Variants in TICRR observed in about 807,000 individuals in gnomAD.
The protein encoded by TICRR is TOPBP1 interacting checkpoint and replication regulator.
TICRR carries 132 observed loss-of-function variants against 178.1 expected under a neutral mutation model. That is an observed-to-expected ratio of 0.74 (90% CI 0.64 to 0.86). TICRR has a LOEUF of 0.86. TICRR is among the 40% of genes least tolerant of loss of function. The probability of loss-of-function intolerance (pLI) is 0.00; values close to 1 mark genes in which losing one functional copy is unlikely to be tolerated. For missense variants in TICRR, 2,587 were observed against 2,334.3 expected, an observed-to-expected ratio of 1.11 and a Z score of -2.23; for synonymous variants, 991 against 900.7, an observed-to-expected ratio of 1.10 and a Z score of -1.79.
chr15:89,575,980 A>G lies in TICRR; in HGVS notation c.394A>G (p.Arg132Gly). ...TKPILRSSGR[R>G]LLDVESEAKE... ...GCCGATCCTGCGGAGCAGCGGGAGGAGACTGCTGGACGTGGAGAGCGAGGC... is the reference window on the plus strand; with the variant it reads ...GCCGATCCTGCGGAGCAGCGGGAGGGGACTGCTGGACGTGGAGAGCGAGGC... The change falls in exon 1 of 22, where the codon AGA (arginine) becomes GGA (glycine). Residue 132 changes from arginine to glycine, a missense_variant. Arg to Gly is a moderately radical substitution (Grantham distance 125). Coordinates refer to ENST00000268138, the MANE Select transcript of TICRR (RefSeq NM_152259.4). 1 of 1,604,940 alleles carries G rather than the reference A, an allele frequency of 6.2e-7. No individual in the cohort carries two copies. Among genetic ancestry groups the G allele is most frequent in the Non-Finnish European group, 8.5e-7 (1 of 1,177,210 alleles).
rs1044341524 is a variant in TICRR at position 89,575,501 on chromosome 15, T to G, written c.-86T>G. The G allele has an allele frequency of 1.3e-5, 17 of 1,278,598 alleles. No individual in the cohort carries two copies. The highest frequency in any genetic ancestry group is 2.5e-4 in the Middle Eastern group (1 of 4,034). 79.2% of individuals were successfully genotyped at this position (1,278,598 alleles called of 1,614,324 possible). ...CGACCAGGGTCCCAAAGGAAAGCAG[T>G]GAGTGGTGCTGTTTCCCTGAAGGAA... is the stretch of plus-strand genomic sequence containing the variant. On this transcript the variant is annotated 5_prime_UTR_variant, in exon 1 of 22. Coordinates refer to ENST00000268138, the MANE Select transcript of TICRR (RefSeq NM_152259.4).
In TICRR at chr15:89,626,036, T is replaced by C; in HGVS notation, c.5577T>C (p.Pro1859=). Residue 1859 remains proline, a synonymous_variant, in exon 21 of 22, where the codon CCT becomes CCC. Coordinates refer to ENST00000268138, the MANE Select transcript of TICRR (RefSeq NM_152259.4). ...CGCTGCTGTTCCAGGGGAAAACACCTTCCTCTCAGAGCAAAGACCCCAGAG... is the reference window on the plus strand; with the variant it reads ...CGCTGCTGTTCCAGGGGAAAACACCCTCCTCTCAGAGCAAAGACCCCAGAG... ...QSPLLFQGKT[P]SSQSKDPRDE... is the part of the protein sequence containing the mutation. 6.2e-7 allele frequency: 1 copy of C among 1,613,942 alleles called. No individual in the cohort carries two copies. Among genetic ancestry groups the C allele is most frequent in the Non-Finnish European group, 8.5e-7 (1 of 1,179,894 alleles).
chr15:89,602,055 C>A, intron 12 of TICRR, 79 bp downstream of exon 12: 1 of 1,526,206 alleles, frequency 6.6e-7, no homozygotes. Flanking sequence ...ACAGTCCAGT[C>A]ATCTTTGTCC....
At chr15:89,622,212 C>T (rs1198514218) in intron 19 of TICRR, among the ~76,000 whole-genome samples, 1 of 152,112 alleles carries the variant, frequency 6.6e-6, no homozygotes, top group Admixed American at 6.5e-5. Flanking sequence ...TCTCGAACTC[C>T]TGACCTCAAG....
At chr15:89,597,593 A>T (rs1479124199) in intron 7 of TICRR, among the ~76,000 whole-genome samples, 2 of 151,640 alleles carry the variant, frequency 1.3e-5, no homozygotes, top group Non-Finnish European at 2.9e-5. Flanking sequence ...TGTTACATTG[A>T]TCTCTCTATT....
rs1324015809 is a variant in TICRR at position 89,625,454 on chromosome 15, T to C, written c.5144T>C (p.Leu1715Pro). The change falls in exon 20 of 22, where the codon CTG becomes CCG. Residue 1715 changes from leucine to proline, a missense_variant. Coordinates refer to ENST00000268138, the MANE Select transcript of TICRR (RefSeq NM_152259.4). Reference sequence around the variant, plus strand: ...GCAGACCTTCCTGGGAGCCTGTCACTGCTTGAGTCAGAGGGCAAGGACCAC... The same window carrying C: ...GCAGACCTTCCTGGGAGCCTGTCACCGCTTGAGTCAGAGGGCAAGGACCAC... ...VGADLPGSLS[L>P]LESEGKDHGL... 2 of 1,613,900 alleles carry C rather than the reference T, an allele frequency of 1.2e-6. No individual in the cohort carries two copies. Among genetic ancestry groups the C allele is most frequent in the Non-Finnish European group, 1.7e-6 (2 of 1,180,018 alleles).
In TICRR at chr15:89,600,650, A is replaced by G. The variant is rs200534054; in HGVS notation, c.2118A>G (p.Leu706=). The change falls in exon 9 of 22, where the codon CTA becomes CTG. Residue 706 remains leucine (L), a synonymous_variant. Transcript: ENST00000268138. ...LKTSKSLRQN[L]GKKLDKEDKV... ...CTAGTAAAAGTCTTCGACAGAATCTAGGAAAAAAACTGGATAAGGAAGACA... is the reference window on the plus strand; with the variant it reads ...CTAGTAAAAGTCTTCGACAGAATCTGGGAAAAAAACTGGATAAGGAAGACA... 141 of 1,595,800 alleles carry G rather than the reference A, an allele frequency of 8.8e-5. No individual in the cohort carries two copies. The highest frequency in any genetic ancestry group is 1.1e-4 in the Non-Finnish European group (134 of 1,170,152).
In TICRR at chr15:89,624,412, G is replaced by A; in HGVS notation, c.4102G>A (p.Ala1368Thr). Residue 1368 changes from alanine (A) to threonine (T), a missense_variant, in exon 20 of 22, where the codon GCT (alanine) becomes ACT (threonine). Coordinates refer to ENST00000268138, the MANE Select transcript of TICRR (RefSeq NM_152259.4). The stretch of plus-strand genomic sequence containing the variant: ...AACTCCCCCTGAACTCTCACAGAGA[G>A]CTACATTGGACACCGTCCCTCCTCC... ...PSTPPELSQR[A>T]TLDTVPPPPP... 1 of 1,614,194 alleles carries A rather than the reference G, an allele frequency of 6.2e-7. No homozygotes were observed. The highest frequency in any genetic ancestry group is 1.6e-4 in the Middle Eastern group (1 of 6,062).
At chr15:89,618,127 A>ATAT in intron 16 of TICRR, 25 bp from the exon 17 acceptor site, 1 of 1,609,998 alleles carries the variant, frequency 6.2e-7, no homozygotes, top group Non-Finnish European at 8.5e-7. Flanking sequence ...GTATGGAGTA[A>ATAT]TCCTTGTGCA....
At chr15:89,615,498 A>G (rs908777403) in intron 15 of TICRR, among the ~76,000 whole-genome samples, 1 of 152,136 alleles carries the variant, frequency 6.6e-6, no homozygotes, top group African/African-American at 2.4e-5. Flanking sequence ...TTGAACAAAT[A>G]CTCCCTAGAT....
chr15:89,606,923 C>T lies in TICRR; in HGVS notation c.2722+98C>T, dbSNP rs1310027067. The T allele has an allele frequency of 1.5e-5, 15 of 979,208 alleles. No individual in the cohort carries two copies. The Admixed American group carries it at 1.6e-4, about 10-fold the overall frequency. 60.7% of individuals were successfully genotyped at this position (979,208 alleles called of 1,614,324 possible). A position where few individuals can be genotyped will look rare whatever the true frequency, so the allele number is the denominator to read the frequency against. On this transcript the variant is annotated intron_variant, in intron 14 of 21. Coordinates refer to ENST00000268138, the MANE Select transcript of TICRR (RefSeq NM_152259.4). ...AGCTGCTTACAGGTGTAAATTAAGG[C>T]TTTGTATGATTGTTGGCTAATAAAA...
Position 89,592,107 on chromosome 15 carries a change from C to T in TICRR, c.1472C>T (p.Ala491Val), listed in dbSNP as rs777637566. Residue 491 changes from alanine (A) to valine (V), a missense_variant, in exon 5 of 22, where the codon GCT (alanine) becomes GTT (valine). Physicochemically the swap from Ala to Val is moderately conservative, Grantham distance 64 (BLOSUM62 0). Transcript: ENST00000268138. Reference protein sequence around the residue: ...ELGHTTPWSPAVVEKWFPFCN... With the variant: ...ELGHTTPWSPVVVEKWFPFCN... ...GGCCACACCACTCCCTGGAGTCCAG[C>T]TGTTGTGGAAAAGTGGTTTCCTTTC... 25 of 1,612,456 alleles carry T rather than the reference C, an allele frequency of 1.6e-5. No homozygotes were observed. The highest frequency in any genetic ancestry group is 2.1e-5 in the Non-Finnish European group (25 of 1,178,690).
At chr15:89,577,912 G>A (rs1351837878) in intron 1 of TICRR, among the ~76,000 whole-genome samples, 1 of 151,998 alleles carries the variant, frequency 6.6e-6, no homozygotes, top group Non-Finnish European at 1.5e-5. Context: ...TGCCTGGCAG[G>A]GAAGGCCTTT....
intron 4 of TICRR, among the ~76,000 whole-genome samples, chr15:89,588,583 TA>T (rs1187138199): frequency 6.6e-6 from 1 of 151,872 alleles, no homozygotes; most frequent in East Asian, 1.9e-4. Context: ...AGGAGAGAGC[TA>T]AAAAATAGGT....
Position 89,575,861 on chromosome 15 carries a change from G to GC in TICRR, c.278dup (p.Ala94GlyfsTer93). 1 of 1,585,430 alleles carries GC rather than the reference G, an allele frequency of 6.3e-7. No individual in the cohort carries two copies. Among genetic ancestry groups the GC allele is most frequent in the Non-Finnish European group, 8.6e-7 (1 of 1,168,586 alleles). On this transcript the variant is annotated frameshift_variant, in exon 1 of 22. Transcript: ENST00000268138. LOFTEE classifies it high-confidence loss of function. ...CTCGAGGATCGCGCCCACCTGCCCG[G>GC]CCCGGCGCCCAGGGCCACCCACACG... is the stretch of plus-strand genomic sequence containing the variant.
At chr15:89,597,573 CA>C (rs2141962366) in intron 7 of TICRR, among the ~76,000 whole-genome samples, 2 of 151,786 alleles carry the variant, frequency 1.3e-5, no homozygotes, top group South Asian at 4.2e-4. Context: ...GGTCTATTTC[CA>C]GGCTCTCCTG....
chr15:89,579,480 G>T (rs1962684751), intron 1 of TICRR, among the ~76,000 whole-genome samples: 1 of 152,050 alleles, frequency 6.6e-6, no homozygotes, highest in South Asian at 2.1e-4. Context: ...CGAGTAGCTG[G>T]GATTACAGGC....
chr15:89,618,741 A>C (rs1160219389), intron 17 of TICRR, among the ~76,000 whole-genome samples: 1 of 152,212 alleles, frequency 6.6e-6, no homozygotes, highest in African/African-American at 2.4e-5. Flanking sequence ...GGGGAGGATC[A>C]CTGGCCAGGA....
chr15:89,590,243 T>C (rs750857650), intron 4 of TICRR, among the ~76,000 whole-genome samples: 17 of 152,160 alleles, frequency 1.1e-4, no homozygotes, highest in Non-Finnish European at 4.4e-5. Flanking sequence ...TCCTCTGGCT[T>C]GTTGTATTTA....
Sources: allele counts gnomAD v4.1 joint callset (sites outside exome capture counted in the v4.1 genomes callset), GRCh38; gene constraint gnomAD v4.1.1; transcripts MANE v1.5; gene names NCBI Gene and HGNC (gene_info 2026-07-23, HGNC 2026-07-21).